Variants in SLC10A7 observed in about 807,000 individuals in gnomAD.
The protein encoded by SLC10A7 is sodium/bile acid cotransporter 7.
A neutral mutation model predicts 43.2 loss-of-function variants in SLC10A7; 29 were observed. The observed-to-expected ratio is 0.67, with a 90% CI of 0.50 to 0.92. SLC10A7 has a LOEUF of 0.92. Among genes scored for constraint, SLC10A7 ranks in the 40% least tolerant of loss-of-function variants. SLC10A7 has a pLI of 0.00. For synonymous variants in SLC10A7, 152 were observed against 144.8 expected (o/e 1.05, Z -0.35); for missense variants, 295 against 403.2 (o/e 0.73, Z 2.30).
intron 2 of SLC10A7, chr4:146,513,987 A>T (rs1737719955): frequency 1.3e-5 from 2 of 152,206 alleles, no homozygotes; most frequent in African/African-American, 4.8e-5. Flanking sequence ...TCATTTACTG[A>T]TTATACCAGA....
rs1451037726 is a variant in SLC10A7 at position 146,293,967 on chromosome 4, G to A, written c.684C>T (p.Asp228=). 6.2e-7 allele frequency: 1 copy of A among 1,613,244 alleles called. No homozygotes were observed. Among genetic ancestry groups the A allele is most frequent in the Admixed American group, 1.7e-5 (1 of 59,992 alleles). The change falls in exon 8 of 12, where the codon GAC becomes GAT. Residue 228 remains aspartate (D), a synonymous_variant. Transcript: ENST00000335472. The part of the protein sequence containing the change: ...FCDTFSNPNI[D]LDKFSLVLIL... ...TGAGAACAAGGCTGAATTTATCCAG[G>A]TCAATATTTGGGTTAGAGAACGTGT... is the stretch of plus-strand genomic sequence containing the variant.
chr4:146,436,071 T>TA (rs201837835), intron 5 of SLC10A7, among the ~76,000 whole-genome samples: 28 of 148,734 alleles, frequency 1.9e-4, no homozygotes, highest in South Asian at 4.3e-4. Flanking sequence ...ATTATTAAAA[T>TA]AAAAAAAAAA....
At chr4:146,469,227 A>G (rs1733342141) in intron 4 of SLC10A7, among the ~76,000 whole-genome samples, 1 of 152,304 alleles carries the variant, frequency 6.6e-6, no homozygotes, top group East Asian at 1.9e-4. Context: ...GTGCTCCTAA[A>G]ATAGTAACAT....
At chr4:146,417,943 A>ACT (rs1185838783) in intron 5 of SLC10A7, among the ~76,000 whole-genome samples, 2 of 151,844 alleles carry the variant, frequency 1.3e-5, no homozygotes, top group East Asian at 3.9e-4. Flanking sequence ...TTATAACAGG[A>ACT]CTCTCTCCTC....
In SLC10A7 at chr4:146,364,705, G is replaced by A. The variant is rs543677655; in HGVS notation, c.436-38709C>T. The stretch of plus-strand genomic sequence containing the variant: ...TATCTTATTTCTTCTAAGACCTAGC[G>A]TTCAGTAGCACAATAGGGCAACTAT... On this transcript the variant is annotated intron_variant, in intron 5 of 11. Coordinates refer to ENST00000335472, the MANE Select transcript of SLC10A7 (RefSeq NM_001029998.6). 5.3e-5 allele frequency among the ~76,000 whole-genome samples: 8 copies of A among 152,144 alleles called. No homozygotes were observed. In the East Asian group the frequency reaches 5.8e-4, roughly 11 times the overall value.
chr4:146,436,797 G>A (rs987464626), intron 5 of SLC10A7, among the ~76,000 whole-genome samples: 1 of 152,096 alleles, frequency 6.6e-6, no homozygotes. Flanking sequence ...TGAATACGCA[G>A]CAGAGGTTAG....
chr4:146,347,393 C>T (rs1349949533), intron 5 of SLC10A7, among the ~76,000 whole-genome samples: 1 of 152,140 alleles, frequency 6.6e-6, no homozygotes, highest in African/African-American at 2.4e-5. Context: ...TCAAAAAGTG[C>T]TCTTTGGAAA....
At chr4:146,513,243 A>G (rs1035392998) in intron 2 of SLC10A7, among the ~76,000 whole-genome samples, 2 of 151,918 alleles carry the variant, frequency 1.3e-5, no homozygotes, top group Non-Finnish European at 2.9e-5. Flanking sequence ...TTTTTGTTAT[A>G]CTATATAAAG....
At chr4:146,502,457 T>C (rs1347804339) in intron 4 of SLC10A7, among the ~76,000 whole-genome samples, 2 of 152,222 alleles carry the variant, frequency 1.3e-5, no homozygotes, top group Non-Finnish European at 1.5e-5. Flanking sequence ...TATTTATAGA[T>C]GATTCTTCCT....
intron 10 of SLC10A7, among the ~76,000 whole-genome samples, chr4:146,262,326 A>C (rs923890394): frequency 2.0e-5 from 3 of 151,962 alleles, no homozygotes; most frequent in Non-Finnish European, 4.4e-5. Flanking sequence ...TGGTGAGCTC[A>C]ATATCTCTTC....
rs202237048 is a variant in SLC10A7, at chr4:146,479,777, AT to A, written c.396+24071del. Among the ~76,000 whole-genome samples the A allele has an allele frequency of 4.5e-3, 678 of 152,334 alleles. 6 individuals carry two copies. The highest frequency in any genetic ancestry group is 7.3e-3 in the Admixed American group (112 of 15,304). ...AATTATTTTACCACAATTCAAAAAA[AT>A]TGTTAGAAAAATGATATAAAAACCC... On this transcript the variant is annotated intron_variant, in intron 4 of 11. Transcript: ENST00000335472.
chr4:146,273,929 TG>T (rs1479979734), intron 10 of SLC10A7, among the ~76,000 whole-genome samples: 1 of 152,184 alleles, frequency 6.6e-6, no homozygotes, highest in Admixed American at 6.6e-5. Context: ...TGGGAAGCAG[TG>T]ATTCCATCTC....
Position 146,303,859 on chromosome 4 carries a change from G to A in SLC10A7, c.555+2067C>T, listed in dbSNP as rs201333995. Among the ~76,000 whole-genome samples the A allele has an allele frequency of 2.4e-4, 18 of 76,052 alleles. No individual in the cohort carries two copies. The East Asian group carries it at 5.3e-3, about 22-fold the overall frequency. The allele number at this position is 76,052 out of a possible 152,430, so 49.9% of individuals were successfully genotyped here. ...GTTAATCTTTACAACAACCCTTTACGATAGATATTATTGTCATAATATTTA... is the reference window on the plus strand; with the variant it reads ...GTTAATCTTTACAACAACCCTTTACAATAGATATTATTGTCATAATATTTA... On this transcript the variant is annotated intron_variant, in intron 7 of 11. Transcript: ENST00000335472.
chr4:146,414,982 A>T (rs1311232894), intron 5 of SLC10A7, among the ~76,000 whole-genome samples: 4 of 152,180 alleles, frequency 2.6e-5, no homozygotes, highest in Non-Finnish European at 5.9e-5. Flanking sequence ...GCAATTTCCA[A>T]AGAGAAGGAT....
chr4:146,264,289 A>T (rs1266792545), intron 10 of SLC10A7, among the ~76,000 whole-genome samples: 2 of 152,138 alleles, frequency 1.3e-5, no homozygotes, highest in African/African-American at 4.8e-5. Context: ...TTTCTATTGG[A>T]TGGACAGTTT....
chr4:146,430,559 A>G (rs1000362704), intron 5 of SLC10A7, among the ~76,000 whole-genome samples: 1 of 152,138 alleles, frequency 6.6e-6, no homozygotes, highest in African/African-American at 2.4e-5. Flanking sequence ...CCAAAATACA[A>G]ATCTTGAACT....
chr4:146,482,559 T>C (rs114804613), intron 4 of SLC10A7, among the ~76,000 whole-genome samples: 3,952 of 146,698 alleles, frequency 0.027, 78 homozygotes, highest in Non-Finnish European at 0.043. Context: ...ACTTTAGAAA[T>C]GACTCAGTCA....
chr4:146,390,962 A>G (rs1173429256), intron 5 of SLC10A7, among the ~76,000 whole-genome samples: 3 of 152,202 alleles, frequency 2.0e-5, no homozygotes, highest in Non-Finnish European at 4.4e-5. Context: ...AGGGAAAAAC[A>G]AATTAACTTT....
intron 5 of SLC10A7, among the ~76,000 whole-genome samples, chr4:146,378,413 T>C (rs966376743): frequency 2.0e-5 from 3 of 152,178 alleles, no homozygotes; most frequent in Admixed American, 2.0e-4. Flanking sequence ...ATCACAAAGA[T>C]AACCAGTCTT....
Sources: allele counts gnomAD v4.1 joint callset (sites outside exome capture counted in the v4.1 genomes callset), GRCh38; gene constraint gnomAD v4.1.1; transcripts MANE v1.5; gene names NCBI Gene and HGNC (gene_info 2026-07-23, HGNC 2026-07-21).